The following ZNF704 variants were observed in gnomAD, a reference collection of about 807,000 sequenced individuals.
ZNF704 encodes the protein glucocorticoid induced gene 1.
In ZNF704, 10 loss-of-function variants were observed where a neutral mutation model predicts 44.7. That is an observed-to-expected ratio of 0.22 (90% CI 0.14 to 0.38). The LOEUF (loss-of-function observed/expected upper bound fraction) is 0.38. ZNF704 is among the 10% of genes least tolerant of loss of function. The pLI is 1.00. For missense variants in ZNF704, 390 were observed against 545.5 expected (o/e 0.71, Z 2.84); for synonymous variants, 211 against 207.6 (o/e 1.02, Z -0.14).
chr8:80,716,701 A>G (rs551499907), intron 2 of ZNF704, among the ~76,000 whole-genome samples: 1 of 152,352 alleles, frequency 6.6e-6, no homozygotes, highest in Non-Finnish European at 1.5e-5. Flanking sequence ...CAAGCAAAAT[A>G]GTTCCATTTT....
chr8:80,823,640 C>T (rs959801728), intron 1 of ZNF704, among the ~76,000 whole-genome samples: 12 of 152,214 alleles, frequency 7.9e-5, no homozygotes, highest in African/African-American at 2.9e-4. Flanking sequence ...GGTCCCTGAC[C>T]ACCGAGTAGC....
rs1316276461 is a variant in ZNF704 at position 80,639,025 on chromosome 8, T to TGGAAGCCACGGGGCTTTGCTCCA, written c.*2318_*2340dup. On this transcript the variant is annotated 3_prime_UTR_variant, in exon 9 of 9. Coordinates refer to ENST00000327835, the MANE Select transcript of ZNF704 (RefSeq NM_001033723.3). ...TACTTATGGGGTATATATCTGGGGGTGGAAGCCACGGGGCTTTGCTCCAGG... is the reference window on the plus strand; with the variant it reads ...TACTTATGGGGTATATATCTGGGGGTGGAAGCCACGGGGCTTTGCTCCAGGAAGCCACGGGGCTTTGCTCCAGG... 3 of 152,490 alleles carry TGGAAGCCACGGGGCTTTGCTCCA rather than the reference T, an allele frequency of 2.0e-5. No individual in the cohort carries two copies. Among genetic ancestry groups the TGGAAGCCACGGGGCTTTGCTCCA allele is most frequent in the Non-Finnish European group, 4.4e-5 (3 of 68,366 alleles). The allele number at this position is 152,490 out of a possible 1,614,324, so 9.4% of individuals were successfully genotyped here.
At chr8:80,822,274 C>T (rs531082420) in intron 1 of ZNF704, among the ~76,000 whole-genome samples, 5 of 123,464 alleles carry the variant, frequency 4.0e-5, no homozygotes, top group African/African-American at 2.8e-4. Context: ...TTCCCCCCCG[C>T]CCCCAACCCA....
At chr8:80,788,512 T>C (rs1237308872) in intron 2 of ZNF704, among the ~76,000 whole-genome samples, 2 of 152,196 alleles carry the variant, frequency 1.3e-5, no homozygotes, top group African/African-American at 4.8e-5. Context: ...CTGGAAGGCA[T>C]AGGGGTAGAA....
At chr8:80,748,948 T>G (rs910893901) in intron 2 of ZNF704, among the ~76,000 whole-genome samples, 15 of 152,200 alleles carry the variant, frequency 9.9e-5, no homozygotes, top group African/African-American at 3.6e-4. Context: ...TAGCAACTAA[T>G]GGTTCCAATC....
intron 2 of ZNF704, among the ~76,000 whole-genome samples, chr8:80,795,373 A>G (rs189296506): frequency 3.1e-3 from 476 of 152,338 alleles, no homozygotes; most frequent in Admixed American, 6.0e-3. Context: ...ACTAATTAAG[A>G]TACTTAGACT....
chr8:80,654,535 T>G (rs1461855036), intron 7 of ZNF704, among the ~76,000 whole-genome samples: 1 of 152,198 alleles, frequency 6.6e-6, no homozygotes, highest in Non-Finnish European at 1.5e-5. Context: ...GCGAAGGATA[T>G]GAACAGACAC....
chr8:80,774,483 C>G (rs1158720682), intron 2 of ZNF704, among the ~76,000 whole-genome samples: 1 of 152,182 alleles, frequency 6.6e-6, no homozygotes, highest in African/African-American at 2.4e-5. Context: ...CTACTCAGGT[C>G]TGCTGACAGC....
intron 2 of ZNF704, among the ~76,000 whole-genome samples, chr8:80,713,722 C>T (rs955282558): frequency 6.6e-6 from 1 of 152,236 alleles, no homozygotes; most frequent in Non-Finnish European, 1.5e-5. Flanking sequence ...CCTTAATCTA[C>T]ACATTTCTTT....
intron 7 of ZNF704, among the ~76,000 whole-genome samples, chr8:80,649,037 T>A (rs981076847): frequency 6.6e-6 from 1 of 152,244 alleles, no homozygotes; most frequent in African/African-American, 2.4e-5. Context: ...TCTTAACCAT[T>A]TCCAAGTTCT....
In ZNF704 at chr8:80,649,756, A is replaced by C. The variant is rs1227771291; in HGVS notation, c.1033-6627T>G. Among the ~76,000 whole-genome samples the C allele has an allele frequency of 1.1e-4, 16 of 152,198 alleles. 1 individual carries two copies. Among genetic ancestry groups the C allele is most frequent in the Non-Finnish European group, 2.9e-5 (2 of 68,012 alleles). On this transcript the variant is annotated intron_variant, in intron 7 of 8. Coordinates refer to ENST00000327835, the MANE Select transcript of ZNF704 (RefSeq NM_001033723.3). ...CTGGGGGCAGGGCATAGCCAAACAA[A>C]AGGCAGCAGAAAACTTTGCAGACTT...
chr8:80,651,290 T>C (rs2131596772), intron 7 of ZNF704, among the ~76,000 whole-genome samples: 2 of 152,320 alleles, frequency 1.3e-5, no homozygotes, highest in South Asian at 4.1e-4. Flanking sequence ...AACATCATAA[T>C]GACAGGATCA....
chr8:80,772,084 G>C (rs1052494055), intron 2 of ZNF704, among the ~76,000 whole-genome samples: 1 of 152,112 alleles, frequency 6.6e-6, no homozygotes, highest in Non-Finnish European at 1.5e-5. Flanking sequence ...TTGTCATGGA[G>C]TACCATTAAT....
At chr8:80,880,112 A>C in the ZNF704 span, among the ~76,000 whole-genome samples, 27 of 152,124 alleles carry the variant, frequency 1.8e-4, no homozygotes, top group African/African-American at 6.0e-4. Flanking sequence ...GTGTGTGTGA[A>C]ACTTATTTCA....
At chr8:80,663,887 G>C (rs1433658285) in intron 6 of ZNF704, among the ~76,000 whole-genome samples, 1 of 151,608 alleles carries the variant, frequency 6.6e-6, no homozygotes, top group Non-Finnish European at 1.5e-5. Context: ...GCACCACCAT[G>C]CCTGGCTAAT....
intron 2 of ZNF704, among the ~76,000 whole-genome samples, chr8:80,724,944 C>G (rs1806449398): frequency 6.6e-6 from 1 of 152,130 alleles, no homozygotes; most frequent in Non-Finnish European, 1.5e-5. Context: ...TGGCTCTCCA[C>G]TGTTTATCAT....
rs182124306 is a variant in ZNF704, at chr8:80,665,311, A to T, written c.660-229T>A. 2.0e-5 allele frequency among the ~76,000 whole-genome samples: 3 copies of T among 152,304 alleles called. No individual in the cohort carries two copies. In the East Asian group the frequency reaches 5.8e-4, roughly 29 times the overall value. On this transcript the variant is annotated intron_variant, in intron 5 of 8. Transcript: ENST00000327835. ...ATTCACTCATTCAATCAATTATTCA[A>T]CAACGATTTATTGAGAATCTAATAT...
Position 80,725,582 on chromosome 8 carries a change from A to T in ZNF704, c.222-32475T>A, listed in dbSNP as rs535973155. Among the ~76,000 whole-genome samples, 20 of 152,284 alleles carry T rather than the reference A, an allele frequency of 1.3e-4. No homozygotes were observed. In the East Asian group the frequency reaches 1.3e-3, roughly 10 times the overall value. ...AGGAAGTTATGGGAGACGATGCTGGAAAAGTAATGAGGGCCCCAGCAGAGA... is the reference window on the plus strand; with the variant it reads ...AGGAAGTTATGGGAGACGATGCTGGTAAAGTAATGAGGGCCCCAGCAGAGA... On this transcript the variant is annotated intron_variant, in intron 2 of 8. Transcript: ENST00000327835.
In ZNF704 at chr8:80,634,423, T is replaced by C. The variant is rs1817635445; in HGVS notation, c.*6943A>G. On this transcript the variant is annotated 3_prime_UTR_variant, in exon 9 of 9. Transcript: ENST00000327835. ...CATGTGAGTTTGTGGGGCTGATGGATGAACCTGACCTGACAACTGTGGAAT... is the reference window on the plus strand; with the variant it reads ...CATGTGAGTTTGTGGGGCTGATGGACGAACCTGACCTGACAACTGTGGAAT... 1 of 152,270 alleles carries C rather than the reference T, an allele frequency of 6.6e-6. No homozygotes were observed. The highest frequency in any genetic ancestry group is 2.1e-4 in the South Asian group (1 of 4,832). The allele number at this position is 152,270 out of a possible 1,614,324, so 9.4% of individuals were successfully genotyped here. A position where few individuals can be genotyped will look rare whatever the true frequency, so the allele number is the denominator to read the frequency against.
Sources: gnomAD v4.1 joint callset for allele counts (sites outside exome capture counted in the v4.1 genomes callset) on GRCh38, gnomAD v4.1.1 for gene constraint, MANE v1.5 for transcripts, NCBI Gene and HGNC (gene_info 2026-07-23, HGNC 2026-07-21) for gene names.